RIPOR2: variants seen among roughly 807,000 people sequenced by gnomAD.
The protein encoded by RIPOR2 is rho family-interacting cell polarization regulator 2.
RIPOR2 carries 39 observed loss-of-function variants against 114.5 expected under a neutral mutation model. That is an observed-to-expected ratio of 0.34 (90% CI 0.26 to 0.44). The LOEUF is 0.44. Ranked by LOEUF, RIPOR2 falls within the 20% of genes least tolerant of loss-of-function variation. The pLI is 1.00. For synonymous variants in RIPOR2, 445 were observed against 484.4 expected (o/e 0.92, Z 1.07); for missense variants, 1,007 against 1,255.1 (o/e 0.80, Z 2.99).
Position 24,875,708 on chromosome 6 carries a change from G to C in RIPOR2, c.171C>G (p.Leu57=). The part of the protein sequence containing the change: ...RSQSFAGFSG[L]QERRSRCNSF... Reference sequence around the variant, plus strand: ...GTACTTGCCTGGATCGCCTTTCCTGGAGGCCGCTGAAACCCGCAAAGGACT... The same window carrying C: ...GTACTTGCCTGGATCGCCTTTCCTGCAGGCCGCTGAAACCCGCAAAGGACT... The change falls in exon 2 of 22, where the codon CTC becomes CTG. Residue 57 remains leucine (L), a synonymous_variant. Transcript: ENST00000643898. 4 of 1,613,314 alleles carry C rather than the reference G, an allele frequency of 2.5e-6. No individual in the cohort carries two copies. The highest frequency in any genetic ancestry group is 3.4e-6 in the Non-Finnish European group (4 of 1,179,682).
chr6:24,832,955 G>A (rs559928527), intron 15 of RIPOR2, among the ~76,000 whole-genome samples: 1 of 152,138 alleles, frequency 6.6e-6, no homozygotes, highest in African/African-American at 2.4e-5. Flanking sequence ...CCAATGAGGC[G>A]GGTCTTATTG....
At chr6:25,008,999 T>G (rs1473882855) in intron 1 of RIPOR2, among the ~76,000 whole-genome samples, 1 of 152,252 alleles carries the variant, frequency 6.6e-6, no homozygotes, top group African/African-American at 2.4e-5. Flanking sequence ...AGGACACTGA[T>G]GCAGGATGGC....
intron 1 of RIPOR2, among the ~76,000 whole-genome samples, chr6:24,891,879 G>A (rs991662465): frequency 2.0e-5 from 3 of 152,020 alleles, no homozygotes; most frequent in African/African-American, 7.2e-5. Flanking sequence ...ATTTTTTTGA[G>A]ACAGGGTTTT....
intron 1 of RIPOR2, among the ~76,000 whole-genome samples, chr6:24,934,066 T>A (rs771343439): frequency 6.6e-6 from 1 of 152,156 alleles, no homozygotes; most frequent in African/African-American, 2.4e-5. Context: ...TAGCCAGATG[T>A]AAAAGAGCAA....
At chr6:24,923,098 T>C (rs766135144) in intron 1 of RIPOR2, among the ~76,000 whole-genome samples, 14 of 152,136 alleles carry the variant, frequency 9.2e-5, no homozygotes, top group Non-Finnish European at 2.1e-4. Context: ...ATTTGATTAC[T>C]CTTGGTACTT....
chr6:24,958,172 CACTATAGAACACTAAATAATA>C (rs1773131135), intron 1 of RIPOR2, among the ~76,000 whole-genome samples: 1 of 152,096 alleles, frequency 6.6e-6, no homozygotes, highest in African/African-American at 2.4e-5. Flanking sequence ...TGCAATGAAA[CACTATAGAACACTAAATAATA>C]ACTATGGTTA....
intron 1 of RIPOR2, among the ~76,000 whole-genome samples, chr6:25,034,439 T>C (rs1445015674): frequency 2.0e-5 from 3 of 152,184 alleles, no homozygotes; most frequent in Non-Finnish European, 2.9e-5. Flanking sequence ...GGGTTGAATC[T>C]AGGCTAACAT....
At chr6:25,018,571 T>A (rs552626101) in intron 1 of RIPOR2, among the ~76,000 whole-genome samples, 30 of 152,306 alleles carry the variant, frequency 2.0e-4, no homozygotes, top group African/African-American at 6.7e-4. Flanking sequence ...ATTAAAAAAA[T>A]TTATCACTTG....
At position 24,866,849 on chromosome 6, in the gene RIPOR2, G is replaced by C. The variant is rs372489894; in HGVS notation, c.502-1399C>G. Among the ~76,000 whole-genome samples the C allele has an allele frequency of 1.2e-4, 19 of 152,244 alleles. 2 individuals carry two copies. In the South Asian group the frequency reaches 3.9e-3, roughly 32 times the overall value. On this transcript the variant is annotated intron_variant, in intron 6 of 21. Coordinates refer to ENST00000643898, the MANE Select transcript of RIPOR2 (RefSeq NM_001286445.3). ...TAGCACTATTTGAATTTTCATTTCA[G>C]TATGAACTTTGTTTCTTCAAAAAGG...
intron 1 of RIPOR2, among the ~76,000 whole-genome samples, chr6:24,950,345 T>TCCTC (rs1561802216): frequency 1.3e-5 from 2 of 152,188 alleles, no homozygotes; most frequent in Non-Finnish European, 2.9e-5. Context: ...TCTCTTTTCT[T>TCCTC]CCTCCCTCCC....
chr6:24,829,368 C>T (rs1760468394), intron 17 of RIPOR2, among the ~76,000 whole-genome samples: 1 of 152,034 alleles, frequency 6.6e-6, no homozygotes, highest in South Asian at 2.1e-4. Context: ...TAGTGGCTCA[C>T]AACTGTAATT....
At chr6:24,839,976 G>T (rs969022979) in intron 13 of RIPOR2, 5 of 942,548 alleles carry the variant, frequency 5.3e-6, no homozygotes, top group Admixed American at 9.4e-5. Context: ...TTGAGACAAG[G>T]TCTTGCTCTG....
chr6:24,964,753 A>T (rs1392510530), intron 1 of RIPOR2, among the ~76,000 whole-genome samples: 2 of 152,250 alleles, frequency 1.3e-5, no homozygotes, highest in African/African-American at 4.8e-5. Context: ...TACCCCCACC[A>T]GCAATGTATG....
chr6:24,966,928 G>A (rs1773554012), intron 1 of RIPOR2, among the ~76,000 whole-genome samples: 1 of 152,190 alleles, frequency 6.6e-6, no homozygotes, highest in African/African-American at 2.4e-5. Flanking sequence ...TTTATGGCAA[G>A]TCCTTCAAGG....
At chr6:24,850,060 T>A in intron 10 of RIPOR2, 110 bp from the exon 11 acceptor site, 1 of 845,808 alleles carries the variant, frequency 1.2e-6, no homozygotes, top group Non-Finnish European at 1.8e-6. Flanking sequence ...TTCAGAATCA[T>A]ATCTGAAATC....
upstream of RIPOR2, chr6:24,936,019 G>C (rs1771784628): frequency 1.5e-6 from 1 of 677,722 alleles, no homozygotes; most frequent in African/African-American, 1.8e-5. Context: ...GGCAGCTTCC[G>C]CATCTGCCCT....
chr6:24,879,477 A>G (rs1024735075), intron 1 of RIPOR2, among the ~76,000 whole-genome samples: 1 of 152,254 alleles, frequency 6.6e-6, no homozygotes, highest in Non-Finnish European at 1.5e-5. Flanking sequence ...CTATCAAGAA[A>G]GAATTTGGCC....
Position 24,817,976 on chromosome 6 carries a change from C to CTTTTTTTTTTTTTTTTTT in RIPOR2, c.2952+565_2952+566insAAAAAAAAAAAAAAAAAA, listed in dbSNP as rs758675486. On this transcript the variant is annotated intron_variant, in intron 20 of 21. Coordinates refer to ENST00000643898, the MANE Select transcript of RIPOR2 (RefSeq NM_001286445.3). Reference sequence around the variant, plus strand: ...ATATACTTTCCTTTTCTCTCTCTCTCTCTTTTTTTTTGAGACAGAGTCTGG... The same window carrying CTTTTTTTTTTTTTTTTTT: ...ATATACTTTCCTTTTCTCTCTCTCTCTTTTTTTTTTTTTTTTTTTCTTTTTTTTTGAGACAGAGTCTGG... Among the ~76,000 whole-genome samples, 15 of 84,444 alleles carry CTTTTTTTTTTTTTTTTTT rather than the reference C, an allele frequency of 1.8e-4. 3 individuals are homozygous for CTTTTTTTTTTTTTTTTTT. The highest frequency in any genetic ancestry group is 1.3e-4 in the African/African-American group (3 of 22,408). 55.4% of individuals were successfully genotyped at this position (84,444 alleles called of 152,430 possible).
intron 8 of RIPOR2, 24 bp from the exon 9 acceptor site, chr6:24,852,642 G>A: frequency 6.3e-7 from 1 of 1,578,238 alleles, no homozygotes; most frequent in Non-Finnish European, 8.6e-7. Context: ...ATTGGAAGGT[G>A]AGGTGTAGAA....
Sources: allele counts gnomAD v4.1 joint callset (sites outside exome capture counted in the v4.1 genomes callset), GRCh38; gene constraint gnomAD v4.1.1; transcripts MANE v1.5; gene names NCBI Gene and HGNC (gene_info 2026-07-23, HGNC 2026-07-21).